The following UTRN variants were observed in gnomAD, a reference collection of about 807,000 sequenced individuals.
UTRN encodes the protein utrophin, also known as dystrophin-related protein 1.
UTRN carries 283 observed loss-of-function variants against 463.9 expected under a neutral mutation model. That is an observed-to-expected ratio of 0.61 (90% confidence interval 0.55 to 0.67). The LOEUF (loss-of-function observed/expected upper bound fraction) is 0.67. UTRN is among the 30% of genes least tolerant of loss of function. The pLI is 0.00. For missense variants in UTRN, 3,922 were observed against 4,084.3 expected (o/e 0.96, Z 1.08); for synonymous variants, 1,442 against 1,431.5 (o/e 1.01, Z -0.17).
At chr6:144,381,075 G>A (rs1780867858) in intron 2 of UTRN, among the ~76,000 whole-genome samples, 1 of 151,250 alleles carries the variant, frequency 6.6e-6, no homozygotes, top group African/African-American at 2.4e-5. Flanking sequence ...ATGGGTAAAT[G>A]TGTGTCACAG....
intron 53 of UTRN, among the ~76,000 whole-genome samples, chr6:144,726,512 C>G (rs1231495586): frequency 2.0e-5 from 3 of 152,084 alleles, no homozygotes; most frequent in South Asian, 2.1e-4. Context: ...GTTTACCATG[C>G]TGAACAAAAA....
intron 63 of UTRN, among the ~76,000 whole-genome samples, chr6:144,795,718 GTTTA>G (rs1777152866): frequency 1.3e-5 from 2 of 152,134 alleles, no homozygotes; most frequent in African/African-American, 4.8e-5. Flanking sequence ...TGATGGGGTT[GTTTA>G]TTTTTTTCTT....
chr6:144,354,391 G>T (rs768928490), intron 2 of UTRN, among the ~76,000 whole-genome samples: 9 of 152,184 alleles, frequency 5.9e-5, no homozygotes, highest in Non-Finnish European at 1.2e-4. Flanking sequence ...TCCACCGAAA[G>T]GACAATGCAA....
intron 2 of UTRN, among the ~76,000 whole-genome samples, chr6:144,376,290 A>G (rs1780455389): frequency 6.6e-6 from 1 of 151,978 alleles, no homozygotes; most frequent in Admixed American, 6.6e-5. Context: ...CCTGGTGTCT[A>G]CTAAAAATAT....
intron 51 of UTRN, among the ~76,000 whole-genome samples, chr6:144,627,858 G>A (rs964893092): frequency 1.4e-5 from 2 of 144,780 alleles, no homozygotes; most frequent in Non-Finnish European, 3.0e-5. Context: ...AGAGTGCAGT[G>A]GCATGATCTC....
intron 51 of UTRN, among the ~76,000 whole-genome samples, chr6:144,624,335 T>C (rs1399284482): frequency 6.6e-6 from 1 of 152,138 alleles, no homozygotes; most frequent in African/African-American, 2.4e-5. Flanking sequence ...CTGGCCACAA[T>C]TTATAATGTA....
chr6:144,757,331 G>C (rs192020533), intron 57 of UTRN, among the ~76,000 whole-genome samples: 1 of 151,450 alleles, frequency 6.6e-6, no homozygotes, highest in Non-Finnish European at 1.5e-5. Context: ...TGGGCTCTCT[G>C]TATGTTTCAG....
At chr6:144,776,541 A>T (rs534648433) in intron 60 of UTRN, among the ~76,000 whole-genome samples, 2 of 152,302 alleles carry the variant, frequency 1.3e-5, no homozygotes, top group African/African-American at 2.4e-5. Flanking sequence ...GAAGGAACTC[A>T]TATTTCGAGA....
At chr6:144,423,818 A>G (rs1449881532) in intron 5 of UTRN, among the ~76,000 whole-genome samples, 168 bp from the exon 6 acceptor site, 2 of 152,228 alleles carry the variant, frequency 1.3e-5, no homozygotes, top group African/African-American at 4.8e-5. Flanking sequence ...GATCTGTAGT[A>G]TAAATAATAC....
intron 39 of UTRN, among the ~76,000 whole-genome samples, chr6:144,517,167 T>C (rs1185837747): frequency 6.6e-6 from 1 of 151,952 alleles, no homozygotes; most frequent in Non-Finnish European, 1.5e-5. Context: ...TTTGGATTTC[T>C]GATTATGTTA....
intron 54 of UTRN, among the ~76,000 whole-genome samples, chr6:144,735,452 G>A (rs990752500): frequency 2.6e-5 from 4 of 152,142 alleles, no homozygotes; most frequent in African/African-American, 9.7e-5. Context: ...CGGCAGATGG[G>A]GATGAGATGG....
chr6:144,722,875 C>T (rs1044441585), intron 53 of UTRN, among the ~76,000 whole-genome samples: 1 of 152,130 alleles, frequency 6.6e-6, no homozygotes, highest in African/African-American at 2.4e-5. Flanking sequence ...TGCAGGATGA[C>T]TATAACCTCA....
chr6:144,667,274 T>A (rs560070823), intron 51 of UTRN, among the ~76,000 whole-genome samples: 12 of 152,234 alleles, frequency 7.9e-5, no homozygotes, highest in African/African-American at 2.4e-4. Flanking sequence ...GCTAGGCTGA[T>A]CTGGAACTCC....
chr6:144,564,802 G>A (rs551473789), intron 50 of UTRN, among the ~76,000 whole-genome samples: 12 of 152,240 alleles, frequency 7.9e-5, no homozygotes, highest in African/African-American at 2.6e-4. Flanking sequence ...GACACATGGG[G>A]ATATAGGGGT....
At chr6:144,744,581 G>A (rs1318131572) in intron 54 of UTRN, among the ~76,000 whole-genome samples, 2 of 149,076 alleles carry the variant, frequency 1.3e-5, no homozygotes, top group South Asian at 2.1e-4. Flanking sequence ...CCCGAAGGGA[G>A]GAGAATGGAG....
At chr6:144,793,755 G>A (rs1776966638) in intron 62 of UTRN, 79 bp from the exon 63 acceptor site, 1 of 1,538,016 alleles carries the variant, frequency 6.5e-7, no homozygotes, top group Non-Finnish European at 8.8e-7. Flanking sequence ...GCATGGTTCA[G>A]TCCACATTAC....
intron 2 of UTRN, chr6:144,333,315 T>C (rs888991766): frequency 2.0e-5 from 3 of 152,204 alleles, no homozygotes; most frequent in Admixed American, 6.5e-5. Flanking sequence ...TTTTTATTGC[T>C]CTTTGTTCTC....
At chr6:144,329,475 G>A (rs1398087761) in intron 2 of UTRN, among the ~76,000 whole-genome samples, 1 of 152,138 alleles carries the variant, frequency 6.6e-6, no homozygotes, top group Non-Finnish European at 1.5e-5. Flanking sequence ...AGTAGTATTT[G>A]CTGTTTCATT....
At chr6:144,408,323 C>T (rs1213977440) in intron 3 of UTRN, among the ~76,000 whole-genome samples, 1 of 152,170 alleles carries the variant, frequency 6.6e-6, no homozygotes, top group African/African-American at 2.4e-5. Context: ...GGCCGGTCTC[C>T]CAAGGGAGGC....
Sources: gnomAD v4.1 joint callset for allele counts (sites outside exome capture counted in the v4.1 genomes callset) on GRCh38, gnomAD v4.1.1 for gene constraint, MANE v1.5 for transcripts, NCBI Gene and HGNC (gene_info 2026-07-23, HGNC 2026-07-21) for gene names.